The following CAMTA1 variants were observed in gnomAD, a reference collection of about 807,000 sequenced individuals.
CAMTA1 encodes the protein calmodulin-binding transcription activator 1.
CAMTA1 carries 27 observed loss-of-function variants against 170.9 expected under a neutral mutation model. That is an observed-to-expected ratio of 0.16 (90% CI 0.12 to 0.22). The LOEUF (loss-of-function observed/expected upper bound fraction) is 0.22. CAMTA1 is among the 10% of genes least tolerant of loss of function. CAMTA1 has a pLI of 1.00. For missense variants in CAMTA1, 1,619 were observed against 2,217.2 expected, an observed-to-expected ratio of 0.73 and a Z score of 5.42; for synonymous variants, 833 against 891.5, an observed-to-expected ratio of 0.93 and a Z score of 1.17.
At chr1:7,052,489 A>T (rs1446799702) in intron 3 of CAMTA1, among the ~76,000 whole-genome samples, 1 of 152,040 alleles carries the variant, frequency 6.6e-6, no homozygotes, top group Non-Finnish European at 1.5e-5. Flanking sequence ...CAACACCAGA[A>T]TCCAGGGACC....
At chr1:7,060,377 T>G (rs571256804) in intron 3 of CAMTA1, among the ~76,000 whole-genome samples, 19 of 152,362 alleles carry the variant, frequency 1.2e-4, no homozygotes, top group Admixed American at 1.2e-3. Flanking sequence ...TCATCTCCTC[T>G]TCTTGTGAGG....
intron 5 of CAMTA1, among the ~76,000 whole-genome samples, chr1:7,458,797 G>A: frequency 6.6e-6 from 1 of 152,222 alleles, no homozygotes; most frequent in East Asian, 1.9e-4. Context: ...GATTGTCTTA[G>A]GAAAGAGGCC....
At chr1:6,864,591 G>A (rs190132645) in intron 3 of CAMTA1, among the ~76,000 whole-genome samples, 6 of 152,200 alleles carry the variant, frequency 3.9e-5, no homozygotes, top group Admixed American at 1.3e-4. Flanking sequence ...TCCAGCCACC[G>A]GTTTCTTGCC....
intron 5 of CAMTA1, among the ~76,000 whole-genome samples, chr1:7,303,383 T>C (rs1675083506): frequency 6.6e-6 from 1 of 151,828 alleles, no homozygotes; most frequent in African/African-American, 2.4e-5. Context: ...GTATAAAAAG[T>C]CCCCCCTAAA....
intron 5 of CAMTA1, among the ~76,000 whole-genome samples, chr1:7,337,726 A>G (rs904846862): frequency 3.3e-5 from 5 of 152,100 alleles, no homozygotes; most frequent in Non-Finnish European, 7.3e-5. Flanking sequence ...GCCTCATCCA[A>G]TCAGGGAAAG....
chr1:7,633,965 G>A lies in CAMTA1; in HGVS notation c.511-6435G>A, dbSNP rs1434902927. 6.6e-6 allele frequency among the ~76,000 whole-genome samples: 1 copy of A among 152,222 alleles called. No individual in the cohort carries two copies. Among genetic ancestry groups the A allele is most frequent in the Non-Finnish European group, 1.5e-5 (1 of 68,044 alleles). On this transcript the variant is annotated intron_variant, in intron 6 of 22. Coordinates refer to ENST00000303635, the MANE Select transcript of CAMTA1 (RefSeq NM_015215.4). This position sits in a 1 kb window ranked among gnomAD's most constrained non-coding sequence, Gnocchi z 4.1. The stretch of plus-strand genomic sequence containing the variant: ...CAGAGACCACAGCCCAGGGAGAGAA[G>A]CGGCAGATCTGGGGAATGGGGTGGC...
At chr1:6,929,773 C>T (rs966869262) in intron 3 of CAMTA1, among the ~76,000 whole-genome samples, 4 of 151,816 alleles carry the variant, frequency 2.6e-5, no homozygotes, top group South Asian at 2.1e-4. Flanking sequence ...TTGGGATTAC[C>T]GGCGTGAGCC....
intron 3 of CAMTA1, among the ~76,000 whole-genome samples, chr1:6,875,145 A>G (rs2149018325): frequency 6.6e-6 from 1 of 152,308 alleles, no homozygotes; most frequent in African/African-American, 2.4e-5. Flanking sequence ...CCAGACAGGC[A>G]CTTAAATCCA....
At chr1:6,836,931 C>T (rs865795176) in intron 3 of CAMTA1, among the ~76,000 whole-genome samples, 267 of 151,414 alleles carry the variant, frequency 1.8e-3, no homozygotes, top group African/African-American at 6.3e-3. Context: ...TAGCTCATAC[C>T]CTGAAGGAGT....
intron 5 of CAMTA1, among the ~76,000 whole-genome samples, chr1:7,440,494 A>G (rs1162201618): frequency 6.6e-6 from 1 of 152,278 alleles, no homozygotes; most frequent in Non-Finnish European, 1.5e-5. Flanking sequence ...TGCGTCGTTC[A>G]GAGTGAATAT....
chr1:7,280,745 A>G (rs1671389709), intron 5 of CAMTA1, among the ~76,000 whole-genome samples: 1 of 152,250 alleles, frequency 6.6e-6, no homozygotes, highest in African/African-American at 2.4e-5. Context: ...TTCATTTAGC[A>G]TGTAAAGGCA....
chr1:7,420,771 A>G (rs2091509273), intron 5 of CAMTA1, among the ~76,000 whole-genome samples: 1 of 152,254 alleles, frequency 6.6e-6, no homozygotes, highest in East Asian at 1.9e-4. Context: ...CCGTTCAAGT[A>G]CAAATGTGTC....
At chr1:7,468,599 C>G (rs1162364515) in intron 6 of CAMTA1, among the ~76,000 whole-genome samples, 2 of 152,220 alleles carry the variant, frequency 1.3e-5, no homozygotes, top group East Asian at 3.9e-4. Flanking sequence ...TCTGAGGGAT[C>G]CATGCAGTCG....
At chr1:7,212,468 T>C (rs1263872485) in intron 4 of CAMTA1, among the ~76,000 whole-genome samples, 3 of 152,218 alleles carry the variant, frequency 2.0e-5, no homozygotes, top group Non-Finnish European at 4.4e-5. Flanking sequence ...TCTTATTTTC[T>C]CCTTTTTTTC....
intron 6 of CAMTA1, among the ~76,000 whole-genome samples, chr1:7,593,269 T>G (rs2150499607): frequency 6.6e-6 from 1 of 152,304 alleles, no homozygotes; most frequent in African/African-American, 2.4e-5. Context: ...TTGGAGAGTG[T>G]GTGCCAGGCA....
At chr1:7,566,581 G>C (rs2095045423) in intron 6 of CAMTA1, among the ~76,000 whole-genome samples, 1 of 152,090 alleles carries the variant, frequency 6.6e-6, no homozygotes, top group Non-Finnish European at 1.5e-5. Context: ...CCAGCTCCAA[G>C]AAAATCACAT....
At chr1:7,109,110 G>C (rs1356202833) in intron 4 of CAMTA1, among the ~76,000 whole-genome samples, 2 of 152,248 alleles carry the variant, frequency 1.3e-5, no homozygotes, top group African/African-American at 4.8e-5. Context: ...AAGAGACTAC[G>C]AGAGGGTGAG....
chr1:6,921,131 AG>A (rs774200269), intron 3 of CAMTA1, among the ~76,000 whole-genome samples: 63 of 152,368 alleles, frequency 4.1e-4, no homozygotes, highest in Non-Finnish European at 7.3e-4. Flanking sequence ...TGCCTTTAGC[AG>A]CACCCAAGTC....
At chr1:7,608,655 A>G (rs1267544164) in intron 6 of CAMTA1, among the ~76,000 whole-genome samples, 1 of 152,170 alleles carries the variant, frequency 6.6e-6, no homozygotes, top group Non-Finnish European at 1.5e-5. Flanking sequence ...CTCCTTAGAA[A>G]ATCTGATTGC....
Sources: gnomAD v4.1 joint callset for allele counts (sites outside exome capture counted in the v4.1 genomes callset) on GRCh38, gnomAD v4.1.1 for gene constraint, Gnocchi (gnomAD v3.1) non-coding constraint, MANE v1.5 for transcripts, NCBI Gene and HGNC (gene_info 2026-07-23, HGNC 2026-07-21) for gene names.